Variants in VSTM5 observed in about 807,000 individuals in gnomAD.
The protein encoded by VSTM5 is V-set and transmembrane domain containing 5, also known as V-set and transmembrane domain-containing protein 5.
Under a neutral mutation model 20.3 loss-of-function variants are expected in VSTM5, and 21 were observed. The observed-to-expected ratio is 1.03, with a 90% CI of 0.73 to 1.49. The LOEUF is 1.49. Among genes scored for constraint, VSTM5 ranks in the 40% most tolerant of loss-of-function variants. The pLI is 0.00. For synonymous variants in VSTM5, 100 were observed against 102.5 expected (o/e 0.98, Z 0.14); for missense variants, 219 against 250.0 (o/e 0.88, Z 0.84).
At chr11:93,826,114 C>T (rs1367350487) in intron 1 of VSTM5, among the ~76,000 whole-genome samples, 2 of 151,926 alleles carry the variant, frequency 1.3e-5, no homozygotes, top group East Asian at 3.9e-4. Flanking sequence ...GTGGTGCACA[C>T]CTGTAGTTCT....
At position 93,821,243 on chromosome 11, in the gene VSTM5, A is replaced by G; in HGVS notation, c.172T>C (p.Ser58Pro). 2 of 1,551,956 alleles carry G rather than the reference A, an allele frequency of 1.3e-6. No individual in the cohort carries two copies. Among genetic ancestry groups the G allele is most frequent in the Non-Finnish European group, 1.7e-6 (2 of 1,147,054 alleles). Residue 58 changes from serine (S) to proline (P), a missense_variant, in exon 2 of 4, where the codon TCC (serine) becomes CCC (proline). Ser to Pro is a moderately conservative substitution (Grantham distance 74, BLOSUM62 -1). Coordinates refer to ENST00000409977, the MANE Select transcript of VSTM5 (RefSeq NM_001144871.2). The stretch of plus-strand genomic sequence containing the variant: ...TCGATGGTGGGCACTCCATGACAGG[A>G]GTACTCAACTGAGAGCAGGATGTCT... ...KEDILLSVEY[S>P]CHGVPTIEWT...
intron 1 of VSTM5, among the ~76,000 whole-genome samples, chr11:93,830,073 C>T (rs548963358): frequency 6.6e-6 from 1 of 152,288 alleles, no homozygotes; most frequent in East Asian, 1.9e-4. Flanking sequence ...GGATCCAAGA[C>T]TCCTCAGATT....
intron 1 of VSTM5, among the ~76,000 whole-genome samples, chr11:93,830,292 G>T (rs896736464): frequency 1.3e-5 from 2 of 152,292 alleles, no homozygotes; most frequent in African/African-American, 4.8e-5. Flanking sequence ...ACTGCCCTGG[G>T]CCCCTAACAG....
At chr11:93,838,651 A>T (rs948993378) in intron 1 of VSTM5, among the ~76,000 whole-genome samples, 1 of 110,876 alleles carries the variant, frequency 9.0e-6, no homozygotes, top group Non-Finnish European at 1.9e-5. Context: ...AAAAAAAAAA[A>T]GCTGGGTGTG....
At chr11:93,841,063 C>T (rs1412556118) in intron 1 of VSTM5, among the ~76,000 whole-genome samples, 1 of 152,210 alleles carries the variant, frequency 6.6e-6, no homozygotes, top group Non-Finnish European at 1.5e-5. Flanking sequence ...CTTCGCAGGC[C>T]CAGAGGCTAC....
At chr11:93,820,652 C>A in intron 3 of VSTM5, 40 bp from the exon 4 acceptor site, 1 of 1,551,614 alleles carries the variant, frequency 6.4e-7, no homozygotes, top group South Asian at 1.2e-5. Flanking sequence ...GAAATCAAGC[C>A]ACATAGTGCT....
At chr11:93,847,765 T>C (rs895720609) in intron 1 of VSTM5, among the ~76,000 whole-genome samples, 1 of 152,230 alleles carries the variant, frequency 6.6e-6, no homozygotes, top group Non-Finnish European at 1.5e-5. Context: ...CATAAGTCCT[T>C]GTCCTAGTCA....
chr11:93,826,018 C>G (rs987267071), intron 1 of VSTM5, among the ~76,000 whole-genome samples: 8 of 151,886 alleles, frequency 5.3e-5, no homozygotes, highest in African/African-American at 1.9e-4. Flanking sequence ...GGGAGAGGAT[C>G]ATTTGAGGCC....
At chr11:93,824,215 C>G (rs1944214705) in intron 1 of VSTM5, among the ~76,000 whole-genome samples, 1 of 152,086 alleles carries the variant, frequency 6.6e-6, no homozygotes, top group Non-Finnish European at 1.5e-5. Context: ...GCTATTACTT[C>G]TATTTTTAAT....
In VSTM5 at chr11:93,821,240, AG is replaced by A. The variant is rs867450842; in HGVS notation, c.174del (p.Cys59ValfsTer54). The A allele has an allele frequency of 3.9e-6, 6 of 1,551,788 alleles. No individual in the cohort carries two copies. In the African/African-American group the frequency reaches 8.2e-5, roughly 21 times the overall value. On this transcript the variant is annotated frameshift_variant, in exon 2 of 4. Transcript: ENST00000409977. LOFTEE classifies it high-confidence loss of function. ...CATTCGATGGTGGGCACTCCATGAC[AG>A]GAGTACTCAACTGAGAGCAGGATGT... ...KEDILLSVEY[S>X]CHGVPTIEWT...
intron 1 of VSTM5, among the ~76,000 whole-genome samples, chr11:93,849,155 C>T (rs1264046112): frequency 6.6e-6 from 1 of 152,118 alleles, no homozygotes; most frequent in Non-Finnish European, 1.5e-5. Context: ...TTTTCTTTTT[C>T]TTTCGCTTTG....
chr11:93,820,225 C>T lies in VSTM5; in HGVS notation c.*344G>A. 3.3e-6 allele frequency: 1 copy of T among 298,662 alleles called. No homozygotes were observed. The highest frequency in any genetic ancestry group is 2.2e-5 in the African/African-American group (1 of 45,328). The allele number at this position is 298,662 out of a possible 1,614,324, so 18.5% of individuals were successfully genotyped here. On this transcript the variant is annotated 3_prime_UTR_variant, in exon 4 of 4. Coordinates refer to ENST00000409977, the MANE Select transcript of VSTM5 (RefSeq NM_001144871.2). ...CTGGCCTCTGATACAGGGACTCTGACAACAGGCCATCCTGCACACCAGAGC... is the reference window on the plus strand; with the variant it reads ...CTGGCCTCTGATACAGGGACTCTGATAACAGGCCATCCTGCACACCAGAGC...
chr11:93,840,277 A>T (rs1944360244), intron 1 of VSTM5, among the ~76,000 whole-genome samples: 1 of 152,248 alleles, frequency 6.6e-6, no homozygotes, highest in Non-Finnish European at 1.5e-5. Flanking sequence ...GCATTAGATC[A>T]TCTGGGGAAG....
chr11:93,840,954 A>C (rs1338281842), intron 1 of VSTM5, among the ~76,000 whole-genome samples: 1 of 147,202 alleles, frequency 6.8e-6, no homozygotes, highest in Non-Finnish European at 1.5e-5. Context: ...ATAATTTCCT[A>C]AAGTTAAATA....
In VSTM5 at chr11:93,850,598, G is replaced by T; in HGVS notation, c.-96C>A. 2 of 801,284 alleles carry T rather than the reference G, an allele frequency of 2.5e-6. No individual in the cohort carries two copies. Among genetic ancestry groups the T allele is most frequent in the South Asian group, 2.1e-5 (1 of 47,128 alleles). The allele number at this position is 801,284 out of a possible 1,614,324, so 49.6% of individuals were successfully genotyped here. ...CTCTCTTCCTCCGCCTCTGGCTGCC[G>T]CAGGTTCTTTAGGGCCAGATGCAGA... On this transcript the variant is annotated 5_prime_UTR_variant, in exon 1 of 4. Transcript: ENST00000409977.
At chr11:93,835,379 C>T (rs914975513) in intron 1 of VSTM5, among the ~76,000 whole-genome samples, 1 of 152,080 alleles carries the variant, frequency 6.6e-6, no homozygotes, top group Non-Finnish European at 1.5e-5. Flanking sequence ...GCTATGACTG[C>T]ATCACTGCTC....
rs1000423650 is a variant in VSTM5, at chr11:93,850,560, C to T, written c.-58G>A. ...GTGCTGGCCGCACCGCGCTGCAGCT[C>T]CTATGCAGCCTTCTCTCTTCCTCCG... On this transcript the variant is annotated 5_prime_UTR_variant, in exon 1 of 4. Coordinates refer to ENST00000409977, the MANE Select transcript of VSTM5 (RefSeq NM_001144871.2). The T allele has an allele frequency of 4.6e-6, 6 of 1,307,260 alleles. No individual in the cohort carries two copies. Among genetic ancestry groups the T allele is most frequent in the Non-Finnish European group, 5.3e-6 (5 of 951,308 alleles). 81.0% of individuals were successfully genotyped at this position (1,307,260 alleles called of 1,614,324 possible). A position where few individuals can be genotyped will look rare whatever the true frequency, so the allele number is the denominator to read the frequency against.
rs56088617 is a variant in VSTM5 at position 93,838,627 on chromosome 11, TAAA to T, written c.91+11782_91+11784del. On this transcript the variant is annotated intron_variant, in intron 1 of 3. Transcript: ENST00000409977. ...GCCAACATGGTGAAATCCCGTCTCTTAAAAAAAAAAAAAAAAAAAAAAAAGCTG... is the reference window on the plus strand; with the variant it reads ...GCCAACATGGTGAAATCCCGTCTCTTAAAAAAAAAAAAAAAAAAAAAGCTG... 2.5e-3 allele frequency among the ~76,000 whole-genome samples: 230 copies of T among 93,218 alleles called. 1 individual carries two copies. Among genetic ancestry groups the T allele is most frequent in the African/African-American group, 8.8e-3 (205 of 23,402 alleles). 61.2% of individuals were successfully genotyped at this position (93,218 alleles called of 152,430 possible).
chr11:93,847,702 A>C (rs1390759158), intron 1 of VSTM5, among the ~76,000 whole-genome samples: 1 of 152,192 alleles, frequency 6.6e-6, no homozygotes, highest in East Asian at 1.9e-4. Flanking sequence ...ACATGAACAA[A>C]TGTTCTAGAA....
Sources: gnomAD v4.1 joint callset for allele counts (sites outside exome capture counted in the v4.1 genomes callset) on GRCh38, gnomAD v4.1.1 for gene constraint, MANE v1.5 for transcripts, NCBI Gene and HGNC (gene_info 2026-07-23, HGNC 2026-07-21) for gene names.